RNF175: variants seen among roughly 807,000 people sequenced by gnomAD.
The protein encoded by RNF175 is ring finger protein 175.
RNF175 carries 38 observed loss-of-function variants against 50.0 expected under a neutral mutation model. The ratio of observed to expected loss-of-function variants is 0.76; its 90% CI spans 0.59 to 1.00. The LOEUF (loss-of-function observed/expected upper bound fraction) is 1.00. RNF175 is among the 50% of genes least tolerant of loss of function. RNF175 has a pLI of 0.00. For synonymous variants in RNF175, 155 were observed against 146.1 expected (o/e 1.06, Z -0.44); for missense variants, 388 against 409.6 (o/e 0.95, Z 0.46).
chr4:153,725,263 C>G (rs1738629685), intron 4 of RNF175, among the ~76,000 whole-genome samples: 1 of 152,162 alleles, frequency 6.6e-6, no homozygotes, highest in African/African-American at 2.4e-5. Context: ...GCCACAGTGA[C>G]TCTTGAGCCA....
At position 153,727,061 on chromosome 4, in the gene RNF175, C is replaced by T. The variant is rs547252639; in HGVS notation, c.401+1146G>A. Among the ~76,000 whole-genome samples, 47 of 152,252 alleles carry T rather than the reference C, an allele frequency of 3.1e-4. 1 individual carries two copies. In the South Asian group the frequency reaches 3.9e-3, roughly 13 times the overall value. Reference sequence around the variant, plus strand: ...GGTAATTCATTCTACAGTGGATAGGCGAACCATTCTCATGGAAATACAACA... The same window carrying T: ...GGTAATTCATTCTACAGTGGATAGGTGAACCATTCTCATGGAAATACAACA... On this transcript the variant is annotated intron_variant, in intron 4 of 8. Coordinates refer to ENST00000347063, the MANE Select transcript of RNF175 (RefSeq NM_173662.4).
intron 3 of RNF175, among the ~76,000 whole-genome samples, chr4:153,728,829 G>T (rs1387793071): frequency 1.3e-5 from 2 of 152,172 alleles, no homozygotes; most frequent in Non-Finnish European, 2.9e-5. Context: ...GTATCCATAC[G>T]AAAGTGACAG....
At chr4:153,742,355 A>C (rs984133309) in intron 3 of RNF175, among the ~76,000 whole-genome samples, 1 of 152,182 alleles carries the variant, frequency 6.6e-6, no homozygotes, top group Non-Finnish European at 1.5e-5. Flanking sequence ...TTGAAAAAAA[A>C]CAATTCATTA....
chr4:153,738,652 G>T (rs924620402), intron 3 of RNF175, among the ~76,000 whole-genome samples: 1 of 151,936 alleles, frequency 6.6e-6, no homozygotes, highest in African/African-American at 2.4e-5. Context: ...TCTTGTTTTT[G>T]TAAATTAATC....
At chr4:153,722,919 A>G (rs1738438880) in intron 5 of RNF175, among the ~76,000 whole-genome samples, 2 of 152,196 alleles carry the variant, frequency 1.3e-5, no homozygotes, top group Admixed American at 6.5e-5. Context: ...ATCTTATTTC[A>G]TATTTTAGGT....
intron 3 of RNF175, among the ~76,000 whole-genome samples, chr4:153,739,352 C>T (rs1408610258): frequency 6.7e-6 from 1 of 148,674 alleles, no homozygotes. Flanking sequence ...ACCCAGGAGG[C>T]GACGGGTACA....
At chr4:153,710,525 C>G (rs1197039049) in intron 8 of RNF175, 36 bp from the exon 9 acceptor site, 3 of 1,593,228 alleles carry the variant, frequency 1.9e-6, no homozygotes, top group Non-Finnish European at 2.6e-6. Context: ...CTATATACAG[C>G]CAAGTAGCAG....
At chr4:153,751,385 G>T in intron 2 of RNF175, 53 bp downstream of exon 2, 1 of 1,236,564 alleles carries the variant, frequency 8.1e-7, no homozygotes. Context: ...CAACTGTTAA[G>T]ATAAAAATCT....
intron 1 of RNF175, among the ~76,000 whole-genome samples, chr4:153,756,767 A>C (rs1199234631): frequency 6.6e-6 from 1 of 152,204 alleles, no homozygotes; most frequent in African/African-American, 2.4e-5. Flanking sequence ...CAAACAAAAC[A>C]ACTGCCTAAT....
At chr4:153,725,533 T>C (rs1738647741) in intron 4 of RNF175, among the ~76,000 whole-genome samples, 1 of 152,220 alleles carries the variant, frequency 6.6e-6, no homozygotes, top group Non-Finnish European at 1.5e-5. Context: ...TTAGGACTAA[T>C]AACCTTTAAA....
chr4:153,727,800 T>TGC (rs1190981829), intron 4 of RNF175: 2 of 153,164 alleles, frequency 1.3e-5, no homozygotes, highest in African/African-American at 4.8e-5. Context: ...GTCCATGACT[T>TGC]ATGATTTATT....
In RNF175 at chr4:153,752,441, A is replaced by AC. The variant is rs1361913828; in HGVS notation, c.67-967dup. On this transcript the variant is annotated intron_variant, in intron 1 of 8. Coordinates refer to ENST00000347063, the MANE Select transcript of RNF175 (RefSeq NM_173662.4). ...GAGCCATGGAGAAGTTGCCAGTATT[A>AC]CCCCCTGTGCCACCCACTTCTTTCC... Among the ~76,000 whole-genome samples, 7 of 152,028 alleles carry AC rather than the reference A, an allele frequency of 4.6e-5. No individual in the cohort carries two copies. The East Asian group carries it at 9.6e-4, about 21-fold the overall frequency.
At chr4:153,744,425 A>G (rs896015648) in intron 3 of RNF175, among the ~76,000 whole-genome samples, 1 of 151,374 alleles carries the variant, frequency 6.6e-6, no homozygotes, top group Non-Finnish European at 1.5e-5. Flanking sequence ...TCCATCTCAA[A>G]GAAAAAAAAA....
At chr4:153,752,388 C>T (rs1222895132) in intron 1 of RNF175, among the ~76,000 whole-genome samples, 1 of 152,108 alleles carries the variant, frequency 6.6e-6, no homozygotes, top group East Asian at 1.9e-4. Context: ...TATTAGGGAC[C>T]CACCTGGTGG....
intron 3 of RNF175, among the ~76,000 whole-genome samples, chr4:153,732,754 T>C (rs1171033540): frequency 6.6e-6 from 1 of 152,210 alleles, no homozygotes. Flanking sequence ...AGGGTGATGT[T>C]GAATGAAATT....
At chr4:153,751,005 C>G (rs1310532888) in intron 2 of RNF175, among the ~76,000 whole-genome samples, 1 of 152,034 alleles carries the variant, frequency 6.6e-6, no homozygotes, top group Non-Finnish European at 1.5e-5. Flanking sequence ...TAAGTATTTT[C>G]CTTTTTGAGT....
intron 6 of RNF175, among the ~76,000 whole-genome samples, chr4:153,718,545 G>T (rs1293246944): frequency 6.6e-6 from 1 of 152,048 alleles, no homozygotes; most frequent in Non-Finnish European, 1.5e-5. Flanking sequence ...CCAAAAGCTG[G>T]TGCTTAAAGA....
At chr4:153,716,555 C>A (rs945000054) in intron 6 of RNF175, among the ~76,000 whole-genome samples, 1 of 148,664 alleles carries the variant, frequency 6.7e-6, no homozygotes, top group African/African-American at 2.5e-5. Flanking sequence ...CCCTAGGAAG[C>A]TTTTTTTTTT....
intron 4 of RNF175, among the ~76,000 whole-genome samples, chr4:153,727,995 A>C (rs1230989891): frequency 6.6e-6 from 1 of 152,222 alleles, no homozygotes; most frequent in African/African-American, 2.4e-5. Context: ...TGAAGTAATA[A>C]ATTTTACATG....
Sources: allele counts gnomAD v4.1 joint callset (sites outside exome capture counted in the v4.1 genomes callset), GRCh38; gene constraint gnomAD v4.1.1; transcripts MANE v1.5; gene names NCBI Gene and HGNC (gene_info 2026-07-23, HGNC 2026-07-21).